PARVB: variants seen among roughly 807,000 people sequenced by gnomAD.
PARVB encodes the protein beta-parvin.
Under a neutral mutation model 47.0 loss-of-function variants are expected in PARVB, and 46 were observed. The ratio of observed to expected loss-of-function variants is 0.98; its 90% CI spans 0.77 to 1.25. PARVB has a LOEUF of 1.25. PARVB is among the 50% of genes most tolerant of loss of function. The pLI is 0.00. For synonymous variants in PARVB, 196 were observed against 196.3 expected (o/e 1.00, Z 0.01); for missense variants, 473 against 471.6 (o/e 1.00, Z -0.03).
upstream of PARVB, among the ~76,000 whole-genome samples, chr22:44,023,405 G>C (rs2146874259): frequency 6.6e-6 from 1 of 152,120 alleles, no homozygotes; most frequent in African/African-American, 2.4e-5. Flanking sequence ...CAGCTACTCA[G>C]GAGGCTGAGA....
At chr22:44,121,438 T>C (rs1258825972) in intron 4 of PARVB, among the ~76,000 whole-genome samples, 1 of 152,208 alleles carries the variant, frequency 6.6e-6, no homozygotes, top group East Asian at 1.9e-4. Flanking sequence ...AAATATCATC[T>C]CTAAATATTA....
At chr22:44,017,231 A>G (rs1253258165) in intron 2 of PARVB, among the ~76,000 whole-genome samples, 4 of 152,162 alleles carry the variant, frequency 2.6e-5, no homozygotes, top group Admixed American at 6.6e-5. Context: ...TTAGTTTTTC[A>G]TAGTGTTAAA....
intron 3 of PARVB, among the ~76,000 whole-genome samples, chr22:44,101,415 AATAAAAAAT>A (rs1270183098): frequency 7.1e-6 from 1 of 141,222 alleles, no homozygotes; most frequent in African/African-American, 3.1e-5. Context: ...CTCAAAAAAA[AATAAAAAAT>A]AAAAAATAAA....
At chr22:44,136,376 C>A in intron 6 of PARVB, 84 bp from the exon 7 acceptor site, 1 of 1,193,282 alleles carries the variant, frequency 8.4e-7, no homozygotes, top group Non-Finnish European at 1.3e-6. Context: ...TGATCTCCGG[C>A]CCCGCAGCTT....
At chr22:44,069,238 T>A in intron 1 of PARVB, 3 of 1,360,506 alleles carry the variant, frequency 2.2e-6, no homozygotes, top group Non-Finnish European at 3.2e-6. Flanking sequence ...TTCTGCTTTA[T>A]GGCAGAATTT....
At chr22:44,136,377 C>T in intron 6 of PARVB, 83 bp from the exon 7 acceptor site, 2 of 1,208,582 alleles carry the variant, frequency 1.7e-6, no homozygotes, top group Non-Finnish European at 2.5e-6. Context: ...GATCTCCGGC[C>T]CCGCAGCTTC....
At chr22:44,010,844 C>T (rs2050514605) in intron 2 of PARVB, among the ~76,000 whole-genome samples, 2 of 148,098 alleles carry the variant, frequency 1.4e-5, no homozygotes, top group South Asian at 2.1e-4. Context: ...ATTCACATTT[C>T]TGTGTTCTTA....
chr22:44,058,985 G>C (rs188095466), intron 1 of PARVB, among the ~76,000 whole-genome samples: 1 of 151,692 alleles, frequency 6.6e-6, no homozygotes, highest in African/African-American at 2.4e-5. Flanking sequence ...TGTGATGGGG[G>C]GGGGAAACAG....
intron 1 of PARVB, among the ~76,000 whole-genome samples, chr22:44,048,346 G>A (rs970512215): frequency 1.3e-5 from 2 of 151,980 alleles, no homozygotes; most frequent in South Asian, 4.1e-4. Flanking sequence ...ATCTTTTGGG[G>A]GCACATGAAC....
At chr22:44,124,452 C>A (rs2053142003) in intron 4 of PARVB, among the ~76,000 whole-genome samples, 1 of 152,218 alleles carries the variant, frequency 6.6e-6, no homozygotes, top group African/African-American at 2.4e-5. Flanking sequence ...TGATGGACTG[C>A]ACAGACAAGC....
At chr22:44,116,850 A>C (rs146365352) in intron 3 of PARVB, among the ~76,000 whole-genome samples, 55 of 152,276 alleles carry the variant, frequency 3.6e-4, no homozygotes, top group African/African-American at 1.3e-3. Flanking sequence ...TGGCGTGTGC[A>C]GAGGCCCCGT....
chr22:44,048,602 C>T (rs1157527272), intron 1 of PARVB, among the ~76,000 whole-genome samples: 1 of 152,146 alleles, frequency 6.6e-6, no homozygotes, highest in African/African-American at 2.4e-5. Flanking sequence ...TGCTCTGTCA[C>T]TCAGGCTGGA....
chr22:44,076,191 G>A (rs1464929731), intron 1 of PARVB, among the ~76,000 whole-genome samples: 3 of 152,376 alleles, frequency 2.0e-5, no homozygotes, highest in Non-Finnish European at 4.4e-5. Flanking sequence ...CTCAGAAAGA[G>A]TGGCTCCACA....
chr22:44,167,694 C>T (rs73888886), intron 12 of PARVB, among the ~76,000 whole-genome samples: 1,975 of 60,266 alleles, frequency 0.033, 40 homozygotes, highest in African/African-American at 0.094. Context: ...GACAGAGCCC[C>T]GGGTGTGTCC....
chr22:44,073,539 C>T (rs2051700665), intron 1 of PARVB, among the ~76,000 whole-genome samples: 1 of 152,206 alleles, frequency 6.6e-6, no homozygotes, highest in Non-Finnish European at 1.5e-5. Context: ...TTTTCCAGCT[C>T]CTGACTCTTA....
chr22:44,076,670 A>G (rs1330186813), intron 1 of PARVB, among the ~76,000 whole-genome samples: 1 of 151,902 alleles, frequency 6.6e-6, no homozygotes, highest in Non-Finnish European at 1.5e-5. Context: ...GTCTCTGTGC[A>G]CCCTCCTCTA....
chr22:44,151,443 G>A (rs975458074), intron 9 of PARVB, 40 bp from the exon 10 acceptor site: 20 of 1,516,382 alleles, frequency 1.3e-5, no homozygotes, highest in Middle Eastern at 1.7e-4. Flanking sequence ...ACCTGCATGC[G>A]GGCCATTCAT....
At chr22:44,116,036 C>G (rs2052893409) in intron 3 of PARVB, 1 of 152,442 alleles carries the variant, frequency 6.6e-6, no homozygotes, top group South Asian at 2.1e-4. Context: ...TTCAGATATC[C>G]TCAGTGTCAC....
rs199987560 is a variant in PARVB, at chr22:44,082,369, AT to A, written c.113-11557del. Among the ~76,000 whole-genome samples, 812 of 152,200 alleles carry A rather than the reference AT, an allele frequency of 5.3e-3. 13 individuals are homozygous for A. Among genetic ancestry groups the A allele is most frequent in the African/African-American group, 0.019 (777 of 41,530 alleles). On this transcript the variant is annotated intron_variant, in intron 1 of 12. Transcript: ENST00000338758. ...CCTCATCTGTACTAAAAATACAAAA[AT>A]TAGCTGGGTGTGGTGGTGCACACTT...
Sources: allele counts gnomAD v4.1 joint callset (sites outside exome capture counted in the v4.1 genomes callset), GRCh38; gene constraint gnomAD v4.1.1; transcripts MANE v1.5; gene names NCBI Gene and HGNC (gene_info 2026-07-23, HGNC 2026-07-21).